Variants in SNX12 observed in about 807,000 individuals in gnomAD.
SNX12 encodes sorting nexin 12, also known as sorting nexin-12.
For missense variants in SNX12, 62 were observed against 141.3 expected, an observed-to-expected ratio of 0.44 and a Z score of 2.84; for synonymous variants, 47 against 56.0, an observed-to-expected ratio of 0.84 and a Z score of 0.71.
upstream of SNX12, chrX:71,068,410 A>C: frequency 1.0e-5 from 7 of 692,432 alleles, no homozygotes; most frequent in Non-Finnish European, 1.4e-5. Context: ...TAGCCAACCC[A>C]CAGGCGGCGG....
At chrX:71,067,415 G>A (rs1294443761) in intron 1 of SNX12, among the ~76,000 whole-genome samples, 2 of 112,307 alleles carry the variant, frequency 1.8e-5, no homozygotes, top group South Asian at 7.3e-4. Context: ...CAAATCTAAA[G>A]GATCCACATA....
rs148099472 is a variant in SNX12 at position 71,062,547 on chromosome X, A to G, written c.261+307T>C. On this transcript the variant is annotated intron_variant, in intron 2 of 3. Coordinates refer to ENST00000374274, the MANE Select transcript of SNX12 (RefSeq NM_013346.4). ...ACCACCACACCTGGCTGATTCTTGT[A>G]TTTTTAGTACAGGCGGGGTTTCACC... Among the ~76,000 whole-genome samples the G allele has an allele frequency of 5.9e-4, 65 of 109,699 alleles. No individual in the cohort carries two copies. In the East Asian group the frequency reaches 0.018, roughly 31 times the overall value.
chrX:71,066,926 T>C (rs62608158), intron 1 of SNX12, among the ~76,000 whole-genome samples: 24,566 of 111,358 alleles, frequency 0.22, 2,682 homozygotes, highest in Middle Eastern at 0.46. Context: ...AAATCATAAT[T>C]TCTCAATAAG....
upstream of SNX12, among the ~76,000 whole-genome samples, chrX:71,073,074 A>AC (rs1569477581): frequency 9.4e-5 from 10 of 106,687 alleles, no homozygotes; most frequent in African/African-American, 2.0e-4. Flanking sequence ...ACACACACAC[A>AC]AAGAGTAGCT....
chrX:71,066,187 GT>G (rs2092152605), intron 1 of SNX12, among the ~76,000 whole-genome samples: 2 of 111,997 alleles, frequency 1.8e-5, no homozygotes, highest in Non-Finnish European at 3.8e-5. Context: ...TTCCTCCTCA[GT>G]TTCCCATGTG....
At chrX:71,073,035 T>TACACAC (rs56242437), upstream of SNX12, among the ~76,000 whole-genome samples, 10,591 of 89,864 alleles carry the variant, frequency 0.12, 570 homozygotes, top group African/African-American at 0.18. Context: ...TTATCACACA[T>TACACAC]ACACACACAC....
upstream of SNX12, among the ~76,000 whole-genome samples, chrX:71,072,906 TACAC>T (rs59544159): frequency 2.1e-3 from 210 of 101,217 alleles, 2 homozygotes; most frequent in African/African-American, 6.3e-3. Context: ...CTGGCTTCCA[TACAC>T]ACACACACAC....
upstream of SNX12, among the ~76,000 whole-genome samples, chrX:71,069,818 G>C (rs2092167099): frequency 9.0e-6 from 1 of 110,952 alleles, no homozygotes; most frequent in Non-Finnish European, 1.9e-5. Context: ...GCACACGCCT[G>C]TAATCCCAGC....
At chrX:71,071,071 C>T (rs2092170137), upstream of SNX12, among the ~76,000 whole-genome samples, 1 of 110,010 alleles carries the variant, frequency 9.1e-6, no homozygotes, top group Admixed American at 9.9e-5. Context: ...AATAATTGTT[C>T]ATTTTCTGCA....
upstream of SNX12, among the ~76,000 whole-genome samples, chrX:71,069,942 AAAAG>A (rs201680977): frequency 0.067 from 5,797 of 86,673 alleles, 313 homozygotes; most frequent in Admixed American, 0.28. Context: ...CTCCATCAAA[AAAAG>A]AAAGAAAGAA....
chrX:71,072,563 G>C (rs1378448220), upstream of SNX12, among the ~76,000 whole-genome samples: 1 of 111,474 alleles, frequency 9.0e-6, no homozygotes, highest in African/African-American at 3.3e-5. Context: ...ATTTAGTAGA[G>C]AATCTTTTGA....
upstream of SNX12, among the ~76,000 whole-genome samples, chrX:71,073,035 T>TACACACAC (rs56242437): frequency 0.033 from 2,957 of 89,984 alleles, 60 homozygotes; most frequent in Non-Finnish European, 0.04. Context: ...TTATCACACA[T>TACACACAC]ACACACACAC....
chrX:71,065,804 C>T (rs866857763), intron 1 of SNX12, among the ~76,000 whole-genome samples: 7 of 81,936 alleles, frequency 8.5e-5, no homozygotes, highest in Non-Finnish European at 1.4e-4. Flanking sequence ...AACTCTATCT[C>T]AAAAAAAAAA....
Position 71,062,906 on chromosome X carries a change from C to T in SNX12, c.209G>A (p.Arg70Gln), listed in dbSNP as rs1040727062. The change falls in exon 2 of 4, where the codon CGG (arginine) becomes CAG (glutamine). Residue 70 changes from arginine to glutamine, a missense_variant. Coordinates refer to ENST00000374274, the MANE Select transcript of SNX12 (RefSeq NM_013346.4). ...IFKLKESCVR[R>Q]RYSDFEWLKN... Reference sequence around the variant, plus strand: ...CAGCCACTCAAAGTCACTGTAGCGCCGCCGTACGCAGGACTCCTTTAGCTT... The same window carrying T: ...CAGCCACTCAAAGTCACTGTAGCGCTGCCGTACGCAGGACTCCTTTAGCTT... The T allele has an allele frequency of 1.7e-6, 2 of 1,206,239 alleles. No individual in the cohort carries two copies. The highest frequency in any genetic ancestry group is 2.2e-6 in the Non-Finnish European group (2 of 892,815).
upstream of SNX12, among the ~76,000 whole-genome samples, chrX:71,071,686 T>C (rs1389206678): frequency 1.4e-5 from 1 of 69,977 alleles, no homozygotes; most frequent in Non-Finnish European, 2.5e-5. Context: ...TAAATATATT[T>C]ATATATAAAT....
At chrX:71,071,048 G>A (rs1045508006), upstream of SNX12, among the ~76,000 whole-genome samples, 62 of 110,799 alleles carry the variant, frequency 5.6e-4, no homozygotes, top group African/African-American at 1.9e-3. Context: ...TAAGGTTCTT[G>A]TTTTTAAGAG....
At chrX:71,072,250 T>A (rs951195375), upstream of SNX12, among the ~76,000 whole-genome samples, 1 of 98,307 alleles carries the variant, frequency 1.0e-5, no homozygotes, top group Non-Finnish European at 2.0e-5. Context: ...AGAGCAAGAC[T>A]CCATCTTGGG....
intron 1 of SNX12, among the ~76,000 whole-genome samples, chrX:71,065,017 T>C (rs2092146183): frequency 8.9e-6 from 1 of 112,560 alleles, no homozygotes; most frequent in South Asian, 3.6e-4. Context: ...GGAATGTCAA[T>C]AGGTTGAAAT....
upstream of SNX12, chrX:71,068,437 C>CCACG (rs1277864054): frequency 1.4e-5 from 7 of 504,971 alleles, no homozygotes; most frequent in Admixed American, 3.5e-4. Flanking sequence ...GCACGCGCGC[C>CCACG]CACGCACGCA....
Sources: gnomAD v4.1 joint callset for allele counts (sites outside exome capture counted in the v4.1 genomes callset) on GRCh38, gnomAD v4.1.1 for gene constraint, MANE v1.5 for transcripts, NCBI Gene and HGNC (gene_info 2026-07-23, HGNC 2026-07-21) for gene names.